GRTP1: variants seen among roughly 807,000 people sequenced by gnomAD.
GRTP1 encodes growth hormone-regulated TBC protein 1.
Under a neutral mutation model 38.1 loss-of-function variants are expected in GRTP1, and 56 were observed. The ratio of observed to expected loss-of-function variants is 1.47; its 90% CI spans 1.19 to 1.84. The LOEUF (loss-of-function observed/expected upper bound fraction) is 1.84. Among genes scored for constraint, GRTP1 ranks in the 40% most tolerant of loss-of-function variants. GRTP1 has a pLI of 0.00. For missense variants in GRTP1, 506 were observed against 453.9 expected (o/e 1.11, Z -1.04); for synonymous variants, 217 against 189.5 (o/e 1.14, Z -1.19).
At chr13:113,346,311 A>C (rs1434006755) in intron 4 of GRTP1, among the ~76,000 whole-genome samples, 338 of 8,966 alleles carry the variant, frequency 0.038, 58 homozygotes, top group Non-Finnish European at 0.05. Context: ...CCTCTGTGGC[A>C]GAGAGCAGAC....
intron 5 of GRTP1, among the ~76,000 whole-genome samples, chr13:113,338,022 C>A (rs530070215): frequency 3.2e-4 from 49 of 152,368 alleles, no homozygotes; most frequent in Non-Finnish European, 6.2e-4. Flanking sequence ...CCAGGTCAAA[C>A]CCATCTTTCA....
chr13:113,333,838 AGTGT>A (rs1555314877), intron 5 of GRTP1, among the ~76,000 whole-genome samples: 25 of 23,532 alleles, frequency 1.1e-3, no homozygotes, highest in African/African-American at 1.6e-3. Flanking sequence ...TTATTTATTT[AGTGT>A]GTGTGTGTGT....
At position 113,362,895 on chromosome 13, in the gene GRTP1, C is replaced by T. The variant is rs547891141; in HGVS notation, c.181+867G>A. ...AGTTCCTAGCTCCAGGGCACACTCCCACCAAGCCCTCACCCCAGGCAGACA... is the reference window on the plus strand; with the variant it reads ...AGTTCCTAGCTCCAGGGCACACTCCTACCAAGCCCTCACCCCAGGCAGACA... On this transcript the variant is annotated intron_variant, in intron 2 of 7. Transcript: ENST00000375431. Among the ~76,000 whole-genome samples the T allele has an allele frequency of 3.3e-5, 5 of 152,322 alleles. No individual in the cohort carries two copies. The South Asian group carries it at 8.3e-4, about 25-fold the overall frequency.
chr13:113,325,246 G>A, intron 7 of GRTP1: 1 of 1,213,868 alleles, frequency 8.2e-7, no homozygotes. Flanking sequence ...TGACTCCCAG[G>A]CCTGAGCCTC....
In GRTP1 at chr13:113,343,625, C is replaced by G. The variant is rs7332062; in HGVS notation, c.562+1238G>C. ...AGGCCAGCACGCAAATTCTCCCGGC[C>G]TTCGGTGTCCTCACCCTGGAAATGG... On this transcript the variant is annotated intron_variant, in intron 5 of 7. Coordinates refer to ENST00000375431, the MANE Select transcript of GRTP1 (RefSeq NM_024719.4). The surrounding 1 kb of genome is among the most constrained non-coding windows in gnomAD (Gnocchi z 4.8). Among the ~76,000 whole-genome samples, 24,913 of 152,208 alleles carry G rather than the reference C, an allele frequency of 0.16. 2,257 individuals carry two copies. Among genetic ancestry groups the G allele is most frequent in the East Asian group, 0.27 (1,400 of 5,174 alleles).
chr13:113,334,501 C>A (rs958207475), intron 5 of GRTP1, among the ~76,000 whole-genome samples: 1 of 152,208 alleles, frequency 6.6e-6, no homozygotes, highest in African/African-American at 2.4e-5. Flanking sequence ...CTGAACCACT[C>A]TTGCGGATTC....
intron 5 of GRTP1, among the ~76,000 whole-genome samples, chr13:113,335,662 G>A (rs1275511763): frequency 6.6e-6 from 1 of 151,966 alleles, no homozygotes; most frequent in Admixed American, 6.6e-5. Flanking sequence ...TCTACTCTCT[G>A]CCTCCATGAG....
rs2043049234 is a variant in GRTP1, at chr13:113,343,165, C to T, written c.562+1698G>A. On this transcript the variant is annotated intron_variant, in intron 5 of 7. Transcript: ENST00000375431. This position sits in a 1 kb window ranked among gnomAD's most constrained non-coding sequence, Gnocchi z 4.8. ...CGCCATGATTTGCACTCAGACATAA[C>T]CGAAGCAGGCTGTGAGCCCGTTTCC... Among the ~76,000 whole-genome samples the T allele has an allele frequency of 6.6e-6, 1 of 152,212 alleles. No individual in the cohort carries two copies. Among genetic ancestry groups the T allele is most frequent in the African/African-American group, 2.4e-5 (1 of 41,442 alleles).
chr13:113,329,740 A>G (rs1276992281), intron 5 of GRTP1, among the ~76,000 whole-genome samples: 1 of 152,272 alleles, frequency 6.6e-6, no homozygotes, highest in Admixed American at 6.5e-5. Context: ...AAGACGACCC[A>G]GGCTTGCACC....
intron 5 of GRTP1, among the ~76,000 whole-genome samples, chr13:113,331,810 C>T (rs58717602): frequency 0.053 from 7,970 of 151,048 alleles, 524 homozygotes; most frequent in African/African-American, 0.16. Flanking sequence ...CATCCGACAC[C>T]AGGCCCGGCT....
chr13:113,333,025 A>C (rs1396005307), intron 5 of GRTP1, among the ~76,000 whole-genome samples: 1 of 152,200 alleles, frequency 6.6e-6, no homozygotes, highest in Non-Finnish European at 1.5e-5. Context: ...ACATAAAGCC[A>C]AGGGACCAGC....
At position 113,352,260 on chromosome 13, in the gene GRTP1, A is replaced by T. The variant is rs796119087; in HGVS notation, c.341-1287T>A. 3.7e-3 allele frequency among the ~76,000 whole-genome samples: 234 copies of T among 62,656 alleles called. 1 individual carries two copies. The highest frequency in any genetic ancestry group is 9.1e-3 in the East Asian group (10 of 1,096). 41.1% of individuals were successfully genotyped at this position (62,656 alleles called of 152,430 possible). ...TATATATATTTATATATATTTATAT[A>T]TTTTTATATTTTTATATATATTTAT... On this transcript the variant is annotated intron_variant, in intron 3 of 7. Transcript: ENST00000375431.
chr13:113,329,263 G>A (rs2042821319), intron 5 of GRTP1, among the ~76,000 whole-genome samples: 1 of 152,198 alleles, frequency 6.6e-6, no homozygotes, highest in Non-Finnish European at 1.5e-5. Flanking sequence ...GTGCCACGGA[G>A]ACATTGGGAG....
intron 3 of GRTP1, among the ~76,000 whole-genome samples, chr13:113,352,213 TTTA>T (rs1175897266): frequency 2.1e-5 from 3 of 141,356 alleles, no homozygotes; most frequent in East Asian, 3.9e-4. Flanking sequence ...ATGTAATATT[TTTA>T]TTGAGTTTTC....
chr13:113,324,613 A>G, intron 7 of GRTP1, 36 bp from the exon 8 acceptor site: 1 of 1,566,660 alleles, frequency 6.4e-7, no homozygotes, highest in Non-Finnish European at 8.7e-7. Context: ...AACAAACCCA[A>G]CAACCCATTT....
At chr13:113,358,472 G>A (rs1036937459) in intron 2 of GRTP1, among the ~76,000 whole-genome samples, 5 of 152,174 alleles carry the variant, frequency 3.3e-5, no homozygotes, top group Non-Finnish European at 7.3e-5. Flanking sequence ...ACAATGACAA[G>A]CTGATTCTAA....
chr13:113,349,285 C>T lies in GRTP1; in HGVS notation c.465+1564G>A, dbSNP rs1373600914. On this transcript the variant is annotated intron_variant, in intron 4 of 7. Coordinates refer to ENST00000375431, the MANE Select transcript of GRTP1 (RefSeq NM_024719.4). The surrounding 1 kb of genome is among the most constrained non-coding windows in gnomAD (Gnocchi z 5.0). ...CTCACTGCAGGCTTGACCTCCCAGA[C>T]CCAAACGACCCTCTCACCTCAGCCC... 6.6e-6 allele frequency among the ~76,000 whole-genome samples: 1 copy of T among 151,872 alleles called. No individual in the cohort carries two copies. Among genetic ancestry groups the T allele is most frequent in the African/African-American group, 2.4e-5 (1 of 41,326 alleles).
At position 113,334,121 on chromosome 13, in the gene GRTP1, C is replaced by T. The variant is rs188084182; in HGVS notation, c.563-8030G>A. Reference sequence around the variant, plus strand: ...AAGTGCTGGGATTACAGGGGTGAGCCGCCGCGCCTGGCCCATGCCTGTGCA... The same window carrying T: ...AAGTGCTGGGATTACAGGGGTGAGCTGCCGCGCCTGGCCCATGCCTGTGCA... On this transcript the variant is annotated intron_variant, in intron 5 of 7. Coordinates refer to ENST00000375431, the MANE Select transcript of GRTP1 (RefSeq NM_024719.4). Among the ~76,000 whole-genome samples, 19 of 152,166 alleles carry T rather than the reference C, an allele frequency of 1.2e-4. No homozygotes were observed. In the East Asian group the frequency reaches 3.3e-3, roughly 26 times the overall value.
intron 5 of GRTP1, among the ~76,000 whole-genome samples, chr13:113,332,812 G>T (rs766056665): frequency 6.6e-6 from 1 of 152,208 alleles, no homozygotes; most frequent in Non-Finnish European, 1.5e-5. Context: ...CGAGGAAGCC[G>T]TCGGCGCCAC....
Sources: gnomAD v4.1 joint callset for allele counts (sites outside exome capture counted in the v4.1 genomes callset) on GRCh38, gnomAD v4.1.1 for gene constraint, Gnocchi (gnomAD v3.1) non-coding constraint, MANE v1.5 for transcripts, NCBI Gene and HGNC (gene_info 2026-07-23, HGNC 2026-07-21) for gene names.